ANP32B: variants seen among roughly 807,000 people sequenced by gnomAD.
The protein encoded by ANP32B is acidic leucine-rich nuclear phosphoprotein 32 family member B.
Under a neutral mutation model 32.2 loss-of-function variants are expected in ANP32B, and 6 were observed. The ratio of observed to expected loss-of-function variants is 0.19; its 90% CI spans 0.10 to 0.37. The LOEUF (loss-of-function observed/expected upper bound fraction) is 0.37. ANP32B is among the 10% of genes least tolerant of loss of function. The pLI is 1.00. For synonymous variants in ANP32B, 98 were observed against 105.8 expected (o/e 0.93, Z 0.45); for missense variants, 204 against 289.2 (o/e 0.71, Z 2.14).
At chr9:98,002,244 GC>G (rs1828006294) in intron 3 of ANP32B, 1 of 152,124 alleles carries the variant, frequency 6.6e-6, no homozygotes, top group Admixed American at 6.6e-5. Flanking sequence ...TATAGTCAAT[GC>G]AATGATTGTG....
intron 1 of ANP32B, 30 bp downstream of exon 1, chr9:97,983,639 C>T (rs1827636328): frequency 3.3e-6 from 5 of 1,522,026 alleles, no homozygotes; most frequent in African/African-American, 1.4e-5. Flanking sequence ...GGTGCCCTCT[C>T]CCCCGATGAC....
At chr9:97,992,785 TAAGTA>T (rs1029449074) in intron 1 of ANP32B, among the ~76,000 whole-genome samples, 11 of 152,188 alleles carry the variant, frequency 7.2e-5, no homozygotes, top group African/African-American at 1.7e-4. Flanking sequence ...AGTACAGATA[TAAGTA>T]AAGTAAACAG....
chr9:98,007,891 G>A (rs1029831829), intron 4 of ANP32B, among the ~76,000 whole-genome samples: 28 of 152,162 alleles, frequency 1.8e-4, no homozygotes, highest in African/African-American at 6.8e-4. Context: ...AAGCGAGATG[G>A]CGTTCTAAAG....
At chr9:98,006,721 A>C (rs888978749) in intron 4 of ANP32B, among the ~76,000 whole-genome samples, 1 of 152,238 alleles carries the variant, frequency 6.6e-6, no homozygotes, top group Non-Finnish European at 1.5e-5. Context: ...GGCTGGGCAC[A>C]GTGGCTCATG....
At chr9:98,008,554 T>G (rs1023997253) in intron 4 of ANP32B, among the ~76,000 whole-genome samples, 2 of 152,148 alleles carry the variant, frequency 1.3e-5, no homozygotes, top group African/African-American at 4.8e-5. Flanking sequence ...TGGATTAAAG[T>G]CGAGGTGGAA....
intron 1 of ANP32B, chr9:97,986,576 T>A (rs1282818309): frequency 1.3e-5 from 2 of 152,370 alleles, no homozygotes; most frequent in Admixed American, 6.5e-5. Context: ...CACAGAGGCG[T>A]CATCCTTAAG....
At chr9:98,013,636 C>G (rs1331719795) in intron 6 of ANP32B, among the ~76,000 whole-genome samples, 2 of 152,118 alleles carry the variant, frequency 1.3e-5, no homozygotes, top group Non-Finnish European at 2.9e-5. Context: ...TGGTGACTCA[C>G]GCCTGTTATC....
At chr9:98,009,363 G>A (rs555201458) in intron 4 of ANP32B, among the ~76,000 whole-genome samples, 20 of 152,210 alleles carry the variant, frequency 1.3e-4, no homozygotes, top group South Asian at 4.1e-4. Context: ...AGAATAAAAC[G>A]CTTCTCACGT....
intron 1 of ANP32B, among the ~76,000 whole-genome samples, chr9:97,990,980 C>T (rs953883727): frequency 4.6e-5 from 7 of 151,964 alleles, no homozygotes; most frequent in African/African-American, 1.5e-4. Flanking sequence ...CCACCATGCC[C>T]GGCACATTTT....
At position 97,983,577 on chromosome 9, in the gene ANP32B, C is replaced by A; in HGVS notation, c.22C>A (p.His8Asn). The A allele has an allele frequency of 6.3e-7, 1 of 1,587,354 alleles. No homozygotes were observed. The highest frequency in any genetic ancestry group is 8.6e-7 in the Non-Finnish European group (1 of 1,167,774). Reference protein sequence around the residue: MDMKRRIHLELRNRTPAA... With the variant: MDMKRRINLELRNRTPAA... ...GAACATGGACATGAAGAGGAGGATCCACCTGGAGCTGAGGAACCGGACCCC... is the reference window on the plus strand; with the variant it reads ...GAACATGGACATGAAGAGGAGGATCAACCTGGAGCTGAGGAACCGGACCCC... The change falls in exon 1 of 7, where the codon CAC becomes AAC. Residue 8 changes from histidine to asparagine, a missense_variant. Coordinates refer to ENST00000339399, the MANE Select transcript of ANP32B (RefSeq NM_006401.3).
At position 98,005,104 on chromosome 9, in the gene ANP32B, T is replaced by C. The variant is rs1185221774; in HGVS notation, c.468T>C (p.Pro156=). The change falls in exon 4 of 7, where the codon CCT becomes CCC. Residue 156 remains proline (P), a synonymous_variant. Transcript: ENST00000339399. ...DGYDREDQEA[P]DSDAEVDGVD... is the part of the protein sequence containing the mutation. ...ATGACCGAGAGGACCAGGAAGCACCTGACTCAGATGCCGAGGTGGATGGTG... is the reference window on the plus strand; with the variant it reads ...ATGACCGAGAGGACCAGGAAGCACCCGACTCAGATGCCGAGGTGGATGGTG... 2.3e-5 allele frequency: 37 copies of C among 1,613,782 alleles called. No individual in the cohort carries two copies. The highest frequency in any genetic ancestry group is 3.1e-5 in the Non-Finnish European group (36 of 1,179,978).
chr9:98,006,447 G>A (rs540643218), intron 4 of ANP32B, among the ~76,000 whole-genome samples: 1 of 111,160 alleles, frequency 9.0e-6, no homozygotes, highest in Non-Finnish European at 1.7e-5. Flanking sequence ...TCACAGTTTT[G>A]TTAGGCCCAC....
rs139154501 is a variant in ANP32B at position 97,988,133 on chromosome 9, CT to C, written c.54+4534del. ...AATCCAAATGCTAGCTAGCTTGTTG[CT>C]TTTTTTTTTAGAAAAAAAATACAGT... On this transcript the variant is annotated intron_variant, in intron 1 of 6. Transcript: ENST00000339399. 1.5e-3 allele frequency among the ~76,000 whole-genome samples: 214 copies of C among 144,334 alleles called. 1 individual carries two copies. The highest frequency in any genetic ancestry group is 4.2e-3 in the African/African-American group (165 of 39,474). 94.7% of individuals were successfully genotyped at this position (144,334 alleles called of 152,430 possible).
At chr9:97,989,498 A>T (rs1352878890) in intron 1 of ANP32B, among the ~76,000 whole-genome samples, 2 of 152,198 alleles carry the variant, frequency 1.3e-5, no homozygotes. Context: ...GCAGAAGGCC[A>T]GTTAACTCTT....
chr9:98,009,984 C>G (rs1246890145), intron 4 of ANP32B, among the ~76,000 whole-genome samples: 1 of 152,088 alleles, frequency 6.6e-6, no homozygotes, highest in Non-Finnish European at 1.5e-5. Context: ...AATGTTATGT[C>G]CCTTTGTCCC....
chr9:98,015,523 T>C lies in ANP32B; in HGVS notation c.*92T>C, dbSNP rs952818330. ...TGTTTAAAAAAAAAAAAAAGGTAGCTGTGATACAAACCCCAGGACACCCAC... is the reference window on the plus strand; with the variant it reads ...TGTTTAAAAAAAAAAAAAAGGTAGCCGTGATACAAACCCCAGGACACCCAC... On this transcript the variant is annotated 3_prime_UTR_variant, in exon 7 of 7. Coordinates refer to ENST00000339399, the MANE Select transcript of ANP32B (RefSeq NM_006401.3). 79 of 1,469,712 alleles carry C rather than the reference T, an allele frequency of 5.4e-5. No homozygotes were observed. The highest frequency in any genetic ancestry group is 2.5e-4 in the Middle Eastern group (1 of 3,950). The allele number at this position is 1,469,712 out of a possible 1,614,324, so 91.0% of individuals were successfully genotyped here. A position where few individuals can be genotyped will look rare whatever the true frequency, so the allele number is the denominator to read the frequency against.
chr9:98,006,524 A>C (rs563087474), intron 4 of ANP32B, among the ~76,000 whole-genome samples: 1 of 152,348 alleles, frequency 6.6e-6, no homozygotes, highest in East Asian at 1.9e-4. Context: ...GGAAAGACCC[A>C]ATAATGAGAC....
intron 1 of ANP32B, chr9:97,987,411 A>G (rs1183635017): frequency 1.3e-5 from 2 of 152,238 alleles, no homozygotes; most frequent in African/African-American, 4.8e-5. Context: ...AATACACCAT[A>G]TATACACCAT....
At position 97,994,268 on chromosome 9, in the gene ANP32B, T is replaced by C. The variant is rs146347752; in HGVS notation, c.55-363T>C. 1.3e-3 allele frequency among the ~76,000 whole-genome samples: 199 copies of C among 152,272 alleles called. 1 individual carries two copies. The highest frequency in any genetic ancestry group is 2.2e-3 in the Non-Finnish European group (149 of 68,018). The stretch of plus-strand genomic sequence containing the variant: ...CTTAAGGTAGACCCAGCCTAAAGAG[T>C]GTCTTCATTCTGCATTTGCATTTAG... On this transcript the variant is annotated intron_variant, in intron 1 of 6. Coordinates refer to ENST00000339399, the MANE Select transcript of ANP32B (RefSeq NM_006401.3).
Sources: allele counts gnomAD v4.1 joint callset (sites outside exome capture counted in the v4.1 genomes callset), GRCh38; gene constraint gnomAD v4.1.1; transcripts MANE v1.5; gene names NCBI Gene and HGNC (gene_info 2026-07-23, HGNC 2026-07-21).